ANKRD39: variants seen among roughly 807,000 people sequenced by gnomAD.
The protein encoded by ANKRD39 is ankyrin repeat domain 39.
Under a neutral mutation model 20.3 loss-of-function variants are expected in ANKRD39, and 18 were observed. The observed-to-expected ratio is 0.89, with a 90% CI of 0.61 to 1.32. The LOEUF is 1.32. ANKRD39 is among the 40% of genes most tolerant of loss of function. The pLI, the probability that ANKRD39 is intolerant of heterozygous loss-of-function variation, is 0.00. For missense variants in ANKRD39, 243 were observed against 250.7 expected, an observed-to-expected ratio of 0.97 and a Z score of 0.21; for synonymous variants, 106 against 111.9, an observed-to-expected ratio of 0.95 and a Z score of 0.33.
At chr2:96,856,139 C>CA (rs913718442) in intron 1 of ANKRD39, among the ~76,000 whole-genome samples, 32 of 151,980 alleles carry the variant, frequency 2.1e-4, no homozygotes, top group Non-Finnish European at 1.5e-4. Context: ...TTTGTTTGCA[C>CA]AAAAAAATGA....
chr2:96,848,200 G>A lies in ANKRD39; in HGVS notation c.*101C>T, dbSNP rs2079819134. The A allele has an allele frequency of 1.3e-6, 2 of 1,525,188 alleles. No homozygotes were observed. Among genetic ancestry groups the A allele is most frequent in the Admixed American group, 1.8e-5 (1 of 55,930 alleles). 94.5% of individuals were successfully genotyped at this position (1,525,188 alleles called of 1,614,324 possible). On this transcript the variant is annotated 3_prime_UTR_variant, in exon 4 of 4. Coordinates refer to ENST00000393537, the MANE Select transcript of ANKRD39 (RefSeq NM_016466.6). ...GACTGGGGCTCTTCCTGGGTGGTCT[G>A]GCCTCAGTTCCCTGCCCAGCAGCAT... is the stretch of plus-strand genomic sequence containing the variant.
At chr2:96,855,077 T>A (rs1160773932) in intron 1 of ANKRD39, among the ~76,000 whole-genome samples, 1 of 151,934 alleles carries the variant, frequency 6.6e-6, no homozygotes, top group East Asian at 1.9e-4. Context: ...TCAGCAAATA[T>A]AGGTGAGATG....
chr2:96,857,811 CCGCCTCTCCTTGGCCCCA>C (rs1295788619), intron 1 of ANKRD39, 59 bp downstream of exon 1: 4 of 1,446,530 alleles, frequency 2.8e-6, no homozygotes, highest in Non-Finnish European at 3.7e-6. Flanking sequence ...CCCCGTTCAT[CCGCCTCTCCTTGGCCCCA>C]CGCCTCCTCC....
chr2:96,853,375 A>G, intron 3 of ANKRD39, 26 bp downstream of exon 3: 1 of 1,552,470 alleles, frequency 6.4e-7, no homozygotes, highest in Non-Finnish European at 8.7e-7. Context: ...AGGAAACGAC[A>G]TTTTTGGAAG....
At chr2:96,848,483 C>A (rs200007178) in intron 3 of ANKRD39, 39 bp from the exon 4 acceptor site, 18 of 1,610,576 alleles carry the variant, frequency 1.1e-5, no homozygotes, top group Admixed American at 5.0e-5. Flanking sequence ...GCATACCCCC[C>A]CACTGGGCTC....
chr2:96,849,254 G>C (rs903731369), intron 3 of ANKRD39, among the ~76,000 whole-genome samples: 1 of 152,142 alleles, frequency 6.6e-6, no homozygotes, highest in African/African-American at 2.4e-5. Context: ...CTGGGCTCAA[G>C]CGATCCTCCT....
rs371046210 is a variant in ANKRD39, at chr2:96,854,380, G to A, written c.162C>T (p.Ala54=). 22 of 1,613,938 alleles carry A rather than the reference G, an allele frequency of 1.4e-5. No individual in the cohort carries two copies. The highest frequency in any genetic ancestry group is 1.1e-4 in the African/African-American group (8 of 74,890). ...LGRVKHLIQK[A]EDPSQPDSAG... ...CCGAGTCGGGCTGACTTGGGTCCTC[G>A]GCCTTCTGGATTAAATGCTTCACTC... The change falls in exon 2 of 4, where the codon GCC becomes GCT. Residue 54 remains alanine, a synonymous_variant. Transcript: ENST00000393537.
intron 3 of ANKRD39, among the ~76,000 whole-genome samples, chr2:96,852,571 CA>C (rs2079843828): frequency 6.9e-6 from 1 of 145,698 alleles, no homozygotes; most frequent in Admixed American, 6.8e-5. Flanking sequence ...GAAACCTTCA[CA>C]ATAACTCATG....
At chr2:96,857,842 G>A in intron 1 of ANKRD39, 46 bp downstream of exon 1, 1 of 1,527,666 alleles carries the variant, frequency 6.5e-7, no homozygotes, top group Non-Finnish European at 8.8e-7. Flanking sequence ...CCTCCTCCTT[G>A]GGCCGGGGCC....
chr2:96,853,216 C>T (rs191682013), intron 3 of ANKRD39, among the ~76,000 whole-genome samples, 185 bp downstream of exon 3: 1 of 152,308 alleles, frequency 6.6e-6, no homozygotes, highest in Admixed American at 6.5e-5. Flanking sequence ...TTTTAATTTA[C>T]ACGCTCAGAA....
intron 1 of ANKRD39, among the ~76,000 whole-genome samples, chr2:96,855,241 T>C (rs571678018): frequency 6.6e-6 from 1 of 152,194 alleles, no homozygotes; most frequent in Admixed American, 6.5e-5. Flanking sequence ...GACAAAGGGA[T>C]AGAATCCACA....
intron 1 of ANKRD39, among the ~76,000 whole-genome samples, chr2:96,856,233 G>T (rs944025007): frequency 2.0e-5 from 3 of 152,028 alleles, no homozygotes; most frequent in Admixed American, 2.0e-4. Context: ...TAGCACTTTG[G>T]GAGGTCAAAG....
chr2:96,852,449 A>T (rs1360772155), intron 3 of ANKRD39, among the ~76,000 whole-genome samples: 2 of 148,072 alleles, frequency 1.4e-5, no homozygotes, highest in African/African-American at 5.0e-5. Flanking sequence ...CTCTGAGTGT[A>T]AGAGACCAGG....
intron 3 of ANKRD39, among the ~76,000 whole-genome samples, chr2:96,851,824 G>A (rs1316983192): frequency 1.2e-4 from 18 of 152,082 alleles, no homozygotes; most frequent in Admixed American, 1.1e-3. Flanking sequence ...CATAAAAAAC[G>A]GGAGGGGAGA....
At chr2:96,855,973 CAACAACAACAACAACAACAA>C (rs1248605410) in intron 1 of ANKRD39, among the ~76,000 whole-genome samples, 16 of 146,466 alleles carry the variant, frequency 1.1e-4, no homozygotes, top group Non-Finnish European at 1.5e-5. Flanking sequence ...GACTCCGACT[CAACAACAACAACAACAACAA>C]AACAACAACA....
intron 1 of ANKRD39, among the ~76,000 whole-genome samples, chr2:96,857,008 G>T (rs2153360149): frequency 6.6e-6 from 1 of 152,304 alleles, no homozygotes; most frequent in East Asian, 1.9e-4. Flanking sequence ...AGCTTTGTAG[G>T]CCATAACAGG....
At chr2:96,856,751 G>A (rs1241740863) in intron 1 of ANKRD39, among the ~76,000 whole-genome samples, 1 of 152,180 alleles carries the variant, frequency 6.6e-6, no homozygotes, top group Non-Finnish European at 1.5e-5. Flanking sequence ...GGTGTTTAGG[G>A]AGGGTCTCTG....
chr2:96,854,411 A>G lies in ANKRD39; in HGVS notation c.131T>C (p.Leu44Pro). Residue 44 changes from leucine to proline, a missense_variant, in exon 2 of 4, where the codon CTG becomes CCG. By Grantham distance (98) the Leu-to-Pro change is moderately conservative (BLOSUM62 -3). Transcript: ENST00000393537. Reference protein sequence around the residue: ...GIWSAALNGDLGRVKHLIQKA... With the variant: ...GIWSAALNGDPGRVKHLIQKA... ...CTGGATTAAATGCTTCACTCGGCCC[A>G]GGTCTCCATTCAGGGCTGCCGACCA... 5.0e-6 allele frequency: 8 copies of G among 1,614,194 alleles called. No individual in the cohort carries two copies. The highest frequency in any genetic ancestry group is 6.8e-6 in the Non-Finnish European group (8 of 1,180,034).
At chr2:96,850,283 G>A (rs1199858742) in intron 3 of ANKRD39, among the ~76,000 whole-genome samples, 3 of 152,208 alleles carry the variant, frequency 2.0e-5, no homozygotes, top group Non-Finnish European at 4.4e-5. Context: ...CTTAATTCAG[G>A]CAGTGGGATG....
Sources: gnomAD v4.1 joint callset for allele counts (sites outside exome capture counted in the v4.1 genomes callset) on GRCh38, gnomAD v4.1.1 for gene constraint, MANE v1.5 for transcripts, NCBI Gene and HGNC (gene_info 2026-07-23, HGNC 2026-07-21) for gene names.